The following NBEA variants were observed in gnomAD, a reference collection of about 807,000 sequenced individuals.
NBEA encodes the protein lysosomal-trafficking regulator 2.
A neutral mutation model predicts 343.4 loss-of-function variants in NBEA; 44 were observed. The ratio of observed to expected loss-of-function variants is 0.13; its 90% CI spans 0.10 to 0.16. The LOEUF is 0.16. NBEA is among the 10% of genes least tolerant of loss of function. The probability of loss-of-function intolerance (pLI) is 1.00; values close to 1 mark genes in which losing one functional copy is unlikely to be tolerated. For missense variants in NBEA, 2,555 were observed against 3,631.3 expected, an observed-to-expected ratio of 0.70 and a Z score of 7.62; for synonymous variants, 1,175 against 1,238.7, an observed-to-expected ratio of 0.95 and a Z score of 1.08.
At chr13:35,282,876 C>A (rs577411762) in intron 34 of NBEA, among the ~76,000 whole-genome samples, 2 of 152,178 alleles carry the variant, frequency 1.3e-5, no homozygotes, top group Non-Finnish European at 2.9e-5. Context: ...AAGACTGTAT[C>A]ATTTCTGGAT....
chr13:35,248,240 T>C (rs1375864732), intron 34 of NBEA, among the ~76,000 whole-genome samples: 1 of 152,146 alleles, frequency 6.6e-6, no homozygotes, highest in African/African-American at 2.4e-5. Flanking sequence ...TGGCAACATA[T>C]TAAAAGGATT....
chr13:34,983,015 G>GTTA (rs965622974), intron 1 of NBEA, among the ~76,000 whole-genome samples: 32 of 151,560 alleles, frequency 2.1e-4, no homozygotes, highest in Non-Finnish European at 3.7e-4. Flanking sequence ...TGACCTTTGG[G>GTTA]TTATTATTAT....
chr13:34,999,746 C>T (rs2061062275), intron 1 of NBEA, among the ~76,000 whole-genome samples: 1 of 152,016 alleles, frequency 6.6e-6, no homozygotes, highest in Non-Finnish European at 1.5e-5. Flanking sequence ...ATGAGGTAGA[C>T]ACTATTATTA....
At chr13:35,137,918 TA>T (rs888165491) in intron 17 of NBEA, among the ~76,000 whole-genome samples, 15 of 151,894 alleles carry the variant, frequency 9.9e-5, no homozygotes, top group Admixed American at 6.6e-4. Flanking sequence ...TCAAGAAAAT[TA>T]AAAAAAACCT....
At chr13:35,563,784 A>G (rs2153023705) in intron 44 of NBEA, among the ~76,000 whole-genome samples, 1 of 152,140 alleles carries the variant, frequency 6.6e-6, no homozygotes, top group South Asian at 2.1e-4. Flanking sequence ...GACATGAAAT[A>G]TGGCTATTGG....
Position 35,349,112 on chromosome 13 carries a change from C to T in NBEA, c.5908C>T (p.Leu1970=). The T allele has an allele frequency of 6.5e-7, 1 of 1,541,012 alleles. No individual in the cohort carries two copies. The highest frequency in any genetic ancestry group is 2.3e-5 in the East Asian group (1 of 42,946). ...TAAAGGTATTTTTCTTTTTAGATTA[C>T]TGTGCCATGCTATGAAGGACCATAT... The part of the protein sequence containing the change: ...FIELINEGRL[L]CHAMKDHIVR... Residue 1970 remains leucine, a synonymous_variant, in exon 37 of 59, where the codon CTG becomes TTG. Coordinates refer to ENST00000379939, the MANE Select transcript of NBEA (RefSeq NM_001385012.1).
chr13:35,033,219 A>C (rs1459411378), intron 1 of NBEA, among the ~76,000 whole-genome samples: 1 of 151,904 alleles, frequency 6.6e-6, no homozygotes, highest in Non-Finnish European at 1.5e-5. Context: ...ATTCTTCTGC[A>C]TACAGATATC....
chr13:35,546,679 A>G (rs1306658282), intron 41 of NBEA, among the ~76,000 whole-genome samples: 1 of 151,784 alleles, frequency 6.6e-6, no homozygotes, highest in Non-Finnish European at 1.5e-5. Context: ...CAGCCTCCCA[A>G]GTAGCTGGGA....
At position 35,143,902 on chromosome 13, in the gene NBEA, AC is replaced by A. The variant is rs1486411371; in HGVS notation, c.2445+1526del. On this transcript the variant is annotated intron_variant, in intron 18 of 58. Transcript: ENST00000379939. ...GACCCTGTCCCCTTCAAAAAAAAAA[AC>A]AAAAAAAAAAACAAAAACAAATTTA... Among the ~76,000 whole-genome samples, 502 of 148,022 alleles carry A rather than the reference AC, an allele frequency of 3.4e-3. 3 individuals carry two copies. Among genetic ancestry groups the A allele is most frequent in the South Asian group, 0.028 (127 of 4,592 alleles).
At chr13:35,151,114 TA>T (rs11450264) in intron 18 of NBEA, among the ~76,000 whole-genome samples, 61 of 134,740 alleles carry the variant, frequency 4.5e-4, no homozygotes, top group Admixed American at 6.0e-4. Flanking sequence ...ACACTGGCTC[TA>T]AAAAAAAAAA....
chr13:35,197,779 C>T (rs146774028), intron 31 of NBEA, among the ~76,000 whole-genome samples: 11 of 152,278 alleles, frequency 7.2e-5, no homozygotes, highest in South Asian at 2.1e-4. Context: ...GGATTACAGG[C>T]GTGCGCCACC....
chr13:35,162,010 A>T (rs1378321010), intron 23 of NBEA, 43 bp downstream of exon 23: 1 of 1,473,092 alleles, frequency 6.8e-7, no homozygotes, highest in Non-Finnish European at 9.2e-7. Flanking sequence ...AAATATTTAA[A>T]ATATGCCATT....
intron 40 of NBEA, 71 bp from the exon 41 acceptor site, chr13:35,472,329 G>T: frequency 6.5e-7 from 1 of 1,534,296 alleles, no homozygotes; most frequent in South Asian, 1.2e-5. Context: ...AAAAACCTCT[G>T]GTACCTTTCT....
Position 35,472,385 on chromosome 13 carries a change from G to A in NBEA, c.6449-15G>A. 6.2e-7 allele frequency: 1 copy of A among 1,611,690 alleles called. No homozygotes were observed. Among genetic ancestry groups the A allele is most frequent in the South Asian group, 1.1e-5 (1 of 90,972 alleles). ...ACAGGGGCTCAGCCTGACTCCCCTT[G>A]TCCTTGCCTTGCAGGCCCAGTGGTT... On this transcript the variant is annotated splice_polypyrimidine_tract_variant and intron_variant, in intron 40 of 58. Transcript: ENST00000379939.
intron 10 of NBEA, among the ~76,000 whole-genome samples, chr13:35,076,562 A>T (rs1193122419): frequency 6.6e-6 from 1 of 151,978 alleles, no homozygotes; most frequent in Non-Finnish European, 1.5e-5. Context: ...TTCAACACTT[A>T]ATTTTTCTCT....
chr13:35,271,078 T>C (rs146462957), intron 34 of NBEA, among the ~76,000 whole-genome samples: 1 of 152,318 alleles, frequency 6.6e-6, no homozygotes, highest in South Asian at 2.1e-4. Flanking sequence ...GTAGCCTGAC[T>C]GGGAGGCATC....
intron 49 of NBEA, among the ~76,000 whole-genome samples, chr13:35,642,713 C>G (rs543141112): frequency 6.6e-6 from 1 of 152,148 alleles, no homozygotes; most frequent in South Asian, 2.1e-4. Context: ...GCCTGATCTG[C>G]GAAGTTTTTA....
chr13:35,269,991 A>G (rs761981231), intron 34 of NBEA, among the ~76,000 whole-genome samples: 56 of 152,306 alleles, frequency 3.7e-4, no homozygotes, highest in African/African-American at 1.3e-3. Context: ...TATTTATTCA[A>G]TTTACCATTC....
intron 8 of NBEA, among the ~76,000 whole-genome samples, chr13:35,067,169 T>C (rs1279838246): frequency 2.0e-5 from 3 of 152,154 alleles, no homozygotes; most frequent in Non-Finnish European, 4.4e-5. Flanking sequence ...TTAAAGAAGC[T>C]GAGAGAAGAA....
Sources: allele counts gnomAD v4.1 joint callset (sites outside exome capture counted in the v4.1 genomes callset), GRCh38; gene constraint gnomAD v4.1.1; transcripts MANE v1.5; gene names NCBI Gene and HGNC (gene_info 2026-07-23, HGNC 2026-07-21).